Variants in RNF214 observed in about 807,000 individuals in gnomAD.
RNF214 encodes ring finger protein 214.
RNF214 carries 25 observed loss-of-function variants against 75.9 expected under a neutral mutation model. The observed-to-expected ratio is 0.33, with a 90% CI of 0.24 to 0.46. The LOEUF is 0.46. Among genes scored for constraint, RNF214 ranks in the 20% least tolerant of loss-of-function variants. The pLI is 1.00. For synonymous variants in RNF214, 314 were observed against 308.8 expected (o/e 1.02, Z -0.18); for missense variants, 725 against 857.5 (o/e 0.85, Z 1.93).
chr11:117,255,279 G>T (rs2033491571), intron 6 of RNF214, among the ~76,000 whole-genome samples: 1 of 152,048 alleles, frequency 6.6e-6, no homozygotes, highest in African/African-American at 2.4e-5. Flanking sequence ...TCCTGTCCTT[G>T]TATCTGAGTC....
At chr11:117,236,147 G>T (rs1325358689) in intron 2 of RNF214, among the ~76,000 whole-genome samples, 1 of 151,964 alleles carries the variant, frequency 6.6e-6, no homozygotes, top group Non-Finnish European at 1.5e-5. Context: ...TTTTAGTGGA[G>T]ACCGGGTTTC....
chr11:117,283,446 C>T (rs2034170876), intron 14 of RNF214, among the ~76,000 whole-genome samples: 1 of 151,880 alleles, frequency 6.6e-6, no homozygotes, highest in Non-Finnish European at 1.5e-5. Context: ...CCGCAACCTC[C>T]ACCTCTCAGG....
chr11:117,251,137 C>T (rs1196660396), intron 6 of RNF214, among the ~76,000 whole-genome samples: 1 of 151,296 alleles, frequency 6.6e-6, no homozygotes, highest in African/African-American at 2.4e-5. Flanking sequence ...GGGTACACCT[C>T]CCAGACGGGG....
chr11:117,274,726 G>A (rs1425710562), intron 6 of RNF214, among the ~76,000 whole-genome samples: 1 of 148,598 alleles, frequency 6.7e-6, no homozygotes, highest in Non-Finnish European at 1.5e-5. Flanking sequence ...CCAGGCCAGA[G>A]TGCAATGGCA....
At chr11:117,239,133 A>G in intron 3 of RNF214, 22 bp downstream of exon 3, 1 of 1,569,234 alleles carries the variant, frequency 6.4e-7, no homozygotes, top group Non-Finnish European at 8.7e-7. Flanking sequence ...AGTTTCTACT[A>G]CTAAAATGTA....
intron 6 of RNF214, among the ~76,000 whole-genome samples, chr11:117,274,675 C>G (rs1284410700): frequency 2.3e-5 from 3 of 128,810 alleles, no homozygotes; most frequent in Non-Finnish European, 4.9e-5. Context: ...AGCCATGGCT[C>G]TTTTTTTTTT....
At chr11:117,246,714 C>T (rs1357007854) in intron 5 of RNF214, 95 bp from the exon 6 acceptor site, 38 of 1,244,338 alleles carry the variant, frequency 3.1e-5, no homozygotes, top group African/African-American at 7.4e-5. Context: ...AAAGTCAATA[C>T]GTGAATTTGT....
chr11:117,264,348 G>A (rs1348761368), intron 6 of RNF214, among the ~76,000 whole-genome samples: 1 of 151,960 alleles, frequency 6.6e-6, no homozygotes, highest in Non-Finnish European at 1.5e-5. Flanking sequence ...TTGTTTTAGA[G>A]ATGGCAGGTT....
intron 6 of RNF214, among the ~76,000 whole-genome samples, chr11:117,274,076 C>T (rs1212123816): frequency 6.6e-6 from 1 of 152,176 alleles, no homozygotes; most frequent in Non-Finnish European, 1.5e-5. Flanking sequence ...AAGCTGACCT[C>T]ATGATAAACA....
intron 6 of RNF214, among the ~76,000 whole-genome samples, chr11:117,251,233 C>T (rs1591824304): frequency 9.2e-5 from 4 of 43,320 alleles, no homozygotes; most frequent in South Asian, 9.0e-4. Flanking sequence ...GGCGGCTGGC[C>T]GGGCGGGGGG....
chr11:117,253,681 A>AAAAT (rs908449008), intron 6 of RNF214, among the ~76,000 whole-genome samples: 4 of 152,108 alleles, frequency 2.6e-5, no homozygotes, highest in Non-Finnish European at 2.9e-5. Context: ...ATCTCTATAA[A>AAAAT]AAATAAATAA....
At chr11:117,255,201 A>G (rs1297557495) in intron 6 of RNF214, among the ~76,000 whole-genome samples, 1 of 152,162 alleles carries the variant, frequency 6.6e-6, no homozygotes, top group Non-Finnish European at 1.5e-5. Context: ...TATTTCTCAG[A>G]AACAAGGTGT....
At chr11:117,258,402 C>T (rs1177520833) in intron 6 of RNF214, among the ~76,000 whole-genome samples, 1 of 151,928 alleles carries the variant, frequency 6.6e-6, no homozygotes, top group Non-Finnish European at 1.5e-5. Context: ...AGACACCACA[C>T]GAGGTCTTAT....
chr11:117,255,523 T>C (rs1359682239), intron 6 of RNF214, among the ~76,000 whole-genome samples: 1 of 152,136 alleles, frequency 6.6e-6, no homozygotes, highest in Non-Finnish European at 1.5e-5. Context: ...TCTTTAATTT[T>C]TTTTTCTTCG....
intron 6 of RNF214, among the ~76,000 whole-genome samples, chr11:117,247,410 A>T (rs1344319310): frequency 6.6e-6 from 1 of 152,142 alleles, no homozygotes; most frequent in Non-Finnish European, 1.5e-5. Context: ...TGGAAGAATC[A>T]CTTGAGCCCA....
Position 117,246,838 on chromosome 11 carries a change from A to G in RNF214, c.849A>G (p.Thr283=), listed in dbSNP as rs1025535227. 3 of 1,610,950 alleles carry G rather than the reference A, an allele frequency of 1.9e-6. No homozygotes were observed. The highest frequency in any genetic ancestry group is 1.3e-5 in the African/African-American group (1 of 74,860). ...QEILKAIQDV[T]IKREETKKKI... ...TATTAAAGGCTATTCAGGATGTGACAATAAAGCGGGAAGAAACAAAGAAGA... is the reference window on the plus strand; with the variant it reads ...TATTAAAGGCTATTCAGGATGTGACGATAAAGCGGGAAGAAACAAAGAAGA... Residue 283 remains threonine (T), a synonymous_variant, in exon 6 of 15, where the codon ACA becomes ACG. Transcript: ENST00000300650.
intron 6 of RNF214, 116 bp downstream of exon 6, chr11:117,247,064 G>A: frequency 1.1e-6 from 1 of 874,632 alleles, no homozygotes; most frequent in Non-Finnish European, 1.6e-6. Flanking sequence ...AAAAACAAGT[G>A]TACAAGTAAA....
At position 117,280,003 on chromosome 11, in the gene RNF214, A is replaced by G; in HGVS notation, c.1055A>G (p.Glu352Gly). The change falls in exon 7 of 15, where the codon GAG (glutamate) becomes GGG (glycine). Residue 352 changes from glutamate (E) to glycine (G), a missense_variant and splice_region_variant. Glu to Gly is a moderately conservative substitution (Grantham distance 98, BLOSUM62 -2). Coordinates refer to ENST00000300650, the MANE Select transcript of RNF214 (RefSeq NM_207343.4). ...GAGACTGAACGGGCCTGGAAGGCAG[A>G]GGTGAGAAGAGGAGCTGATATCTTG... is the stretch of plus-strand genomic sequence containing the variant. ...MEETERAWKAEILSLESRKEL... is the reference protein window; with the variant it reads ...MEETERAWKAGILSLESRKEL... 1.2e-6 allele frequency: 2 copies of G among 1,604,960 alleles called. No homozygotes were observed. Among genetic ancestry groups the G allele is most frequent in the Non-Finnish European group, 1.7e-6 (2 of 1,173,906 alleles).
intron 6 of RNF214, among the ~76,000 whole-genome samples, chr11:117,261,930 G>A (rs2033673355): frequency 6.6e-6 from 1 of 151,894 alleles, no homozygotes. Flanking sequence ...ACAGGTGTGA[G>A]CCACCACACC....
Sources: allele counts gnomAD v4.1 joint callset (sites outside exome capture counted in the v4.1 genomes callset), GRCh38; gene constraint gnomAD v4.1.1; transcripts MANE v1.5; gene names NCBI Gene and HGNC (gene_info 2026-07-23, HGNC 2026-07-21).